The following TRIB2 variants were observed in gnomAD, a reference collection of about 807,000 sequenced individuals.
TRIB2 encodes the protein tribbles pseudokinase 2.
TRIB2 carries 2 observed loss-of-function variants against 26.8 expected under a neutral mutation model. The ratio of observed to expected loss-of-function variants is 0.07; its 90% CI spans 0.03 to 0.24. TRIB2 has a LOEUF of 0.24. Among genes scored for constraint, TRIB2 ranks in the 10% least tolerant of loss-of-function variants. The probability of loss-of-function intolerance (pLI) is 1.00; values close to 1 mark genes in which losing one functional copy is unlikely to be tolerated. For missense variants in TRIB2, 306 were observed against 449.0 expected, an observed-to-expected ratio of 0.68 and a Z score of 2.88; for synonymous variants, 189 against 187.3, an observed-to-expected ratio of 1.01 and a Z score of -0.08.
Position 12,718,045 on chromosome 2 carries a change from A to G in TRIB2, c.-263A>G. 1.9e-6 allele frequency: 1 copy of G among 517,374 alleles called. No individual in the cohort carries two copies. The highest frequency in any genetic ancestry group is 3.4e-6 in the Non-Finnish European group (1 of 292,444). The allele number at this position is 517,374 out of a possible 1,614,324, so 32.0% of individuals were successfully genotyped here. A position where few individuals can be genotyped will look rare whatever the true frequency, so the allele number is the denominator to read the frequency against. On this transcript the variant is annotated 5_prime_UTR_variant, in exon 1 of 3. Coordinates refer to ENST00000155926, the MANE Select transcript of TRIB2 (RefSeq NM_021643.4). This position sits in a 1 kb window ranked among gnomAD's most constrained non-coding sequence, Gnocchi z 4.0. ...AACTAAAAGTGCGGCGATTCTGCAC[A>G]TCGCCGACTGCTTTGGGGTAACAAA...
intron 2 of TRIB2, among the ~76,000 whole-genome samples, chr2:12,734,530 G>A (rs915275132): frequency 2.0e-5 from 3 of 152,102 alleles, no homozygotes; most frequent in African/African-American, 7.2e-5. Flanking sequence ...CTAGGCTTTT[G>A]GGTTGAGGGT....
At position 12,740,876 on chromosome 2, in the gene TRIB2, C is replaced by A; in HGVS notation, c.*82C>A. The A allele has an allele frequency of 2.3e-6, 3 of 1,304,632 alleles. No homozygotes were observed. The highest frequency in any genetic ancestry group is 2.1e-5 in the Admixed American group (1 of 46,972). 80.8% of individuals were successfully genotyped at this position (1,304,632 alleles called of 1,614,324 possible). On this transcript the variant is annotated 3_prime_UTR_variant, in exon 3 of 3. Coordinates refer to ENST00000155926, the MANE Select transcript of TRIB2 (RefSeq NM_021643.4). The surrounding 1 kb of genome is among the most constrained non-coding windows in gnomAD (Gnocchi z 5.8). Reference sequence around the variant, plus strand: ...GAGTTCTTCCGGGGGACACGAATTGCCTGGCTGAGTAGCAAGAAAGACACA... The same window carrying A: ...GAGTTCTTCCGGGGGACACGAATTGACTGGCTGAGTAGCAAGAAAGACACA...
At chr2:12,730,667 C>A (rs1319757542) in intron 2 of TRIB2, among the ~76,000 whole-genome samples, 3 of 152,150 alleles carry the variant, frequency 2.0e-5, no homozygotes, top group Admixed American at 2.0e-4. Context: ...CTTTTTCTAT[C>A]CTCCATGCCT....
intron 2 of TRIB2, 81 bp downstream of exon 2, chr2:12,723,633 G>C: frequency 2.0e-6 from 3 of 1,502,446 alleles, no homozygotes; most frequent in Non-Finnish European, 2.7e-6. Context: ...TTGAATGGAC[G>C]TTTTTTTGCC....
chr2:12,725,614 C>T (rs1661324436), intron 2 of TRIB2, among the ~76,000 whole-genome samples: 1 of 152,240 alleles, frequency 6.6e-6, no homozygotes, highest in Non-Finnish European at 1.5e-5. Flanking sequence ...GTGTGTGCCT[C>T]TGACATTCCG....
chr2:12,718,669 C>G lies in TRIB2; in HGVS notation c.270+92C>G. On this transcript the variant is annotated intron_variant, in intron 1 of 2. Coordinates refer to ENST00000155926, the MANE Select transcript of TRIB2 (RefSeq NM_021643.4). The surrounding 1 kb of genome is among the most constrained non-coding windows in gnomAD (Gnocchi z 4.0). ...CTCGAGTCTGGGAGAGGGAGATTCG[C>G]GGGATAATTACCGTGGCCTTATTAA... 6.7e-7 allele frequency: 1 copy of G among 1,481,892 alleles called. No individual in the cohort carries two copies. The highest frequency in any genetic ancestry group is 9.1e-7 in the Non-Finnish European group (1 of 1,097,482). 91.8% of individuals were successfully genotyped at this position (1,481,892 alleles called of 1,614,324 possible). A position where few individuals can be genotyped will look rare whatever the true frequency, so the allele number is the denominator to read the frequency against.
chr2:12,731,929 G>A (rs886468478), intron 2 of TRIB2, among the ~76,000 whole-genome samples: 7 of 152,216 alleles, frequency 4.6e-5, no homozygotes, highest in Admixed American at 2.0e-4. Context: ...GAAGCTTTGC[G>A]GAGAGGCCAA....
chr2:12,730,995 G>T (rs929036722), intron 2 of TRIB2, among the ~76,000 whole-genome samples: 16 of 152,176 alleles, frequency 1.1e-4, no homozygotes, highest in African/African-American at 3.4e-4. Flanking sequence ...AGATATGGGG[G>T]TCATTCTATC....
Position 12,718,538 on chromosome 2 carries a change from T to C in TRIB2, c.231T>C (p.Arg77=), listed in dbSNP as rs1196664428. ...CTCTGGAGGGAGACCACGTTTTTCG[T>C]GCCGTGCATCTGCACAGCGGAGAGG... ...LEPLEGDHVF[R]AVHLHSGEEL... Residue 77 remains arginine (R), a synonymous_variant, in exon 1 of 3, where the codon CGT becomes CGC. Transcript: ENST00000155926. The surrounding 1 kb of genome is among the most constrained non-coding windows in gnomAD (Gnocchi z 4.0). 5.6e-6 allele frequency: 9 copies of C among 1,614,190 alleles called. No homozygotes were observed. Among genetic ancestry groups the C allele is most frequent in the Non-Finnish European group, 6.8e-6 (8 of 1,180,014 alleles).
At position 12,722,286 on chromosome 2, in the gene TRIB2, C is replaced by T. The variant is rs900043619; in HGVS notation, c.271-974C>T. On this transcript the variant is annotated intron_variant, in intron 1 of 2. Coordinates refer to ENST00000155926, the MANE Select transcript of TRIB2 (RefSeq NM_021643.4). Reference sequence around the variant, plus strand: ...AGGGCGTTCCTGCCTCAGATGCTTTCCAGCGAAGCTCACCCACGCATGCCC... The same window carrying T: ...AGGGCGTTCCTGCCTCAGATGCTTTTCAGCGAAGCTCACCCACGCATGCCC... 4.6e-5 allele frequency among the ~76,000 whole-genome samples: 7 copies of T among 152,192 alleles called. 1 individual carries two copies. Among genetic ancestry groups the T allele is most frequent in the Non-Finnish European group, 7.3e-5 (5 of 68,046 alleles).
At chr2:12,725,618 C>T (rs149647007) in intron 2 of TRIB2, among the ~76,000 whole-genome samples, 174 of 152,322 alleles carry the variant, frequency 1.1e-3, no homozygotes, top group African/African-American at 3.8e-3. Context: ...GTGCCTCTGA[C>T]ATTCCGTCTG....
intron 1 of TRIB2, among the ~76,000 whole-genome samples, chr2:12,719,025 T>TTGTTCC (rs1666665020): frequency 6.6e-6 from 1 of 152,182 alleles, no homozygotes; most frequent in Non-Finnish European, 1.5e-5. Flanking sequence ...TGTTAAACCT[T>TTGTTCC]TGTTCCGAAG....
At chr2:12,724,296 G>A (rs190987387) in intron 2 of TRIB2, among the ~76,000 whole-genome samples, 14 of 152,358 alleles carry the variant, frequency 9.2e-5, no homozygotes, top group Middle Eastern at 3.4e-3. Context: ...AGCTGGACAG[G>A]ATGCAGGCAA....
Position 12,717,013 on chromosome 2 carries a change from A to C in TRIB2, c.-1295A>C. ...CTCGCTCCGAGATCCCCGGCCACGT[A>C]AGTAACTATTAATACCGCCTCGCCG... On this transcript the variant is annotated 5_prime_UTR_variant, in exon 1 of 3. Coordinates refer to ENST00000155926, the MANE Select transcript of TRIB2 (RefSeq NM_021643.4). The surrounding 1 kb of genome is among the most constrained non-coding windows in gnomAD (Gnocchi z 4.8). 3 of 166,712 alleles carry C rather than the reference A, an allele frequency of 1.8e-5. No individual in the cohort carries two copies. The highest frequency in any genetic ancestry group is 1.7e-4 in the East Asian group (1 of 6,042). 10.3% of individuals were successfully genotyped at this position (166,712 alleles called of 1,614,324 possible). A position where few individuals can be genotyped will look rare whatever the true frequency, so the allele number is the denominator to read the frequency against.
intron 1 of TRIB2, among the ~76,000 whole-genome samples, 175 bp from the exon 2 acceptor site, chr2:12,723,081 TTAAG>T (rs1423703943): frequency 6.6e-6 from 1 of 152,084 alleles, no homozygotes; most frequent in East Asian, 1.9e-4. Flanking sequence ...CTCCGAGAGG[TTAAG>T]TGACTTGTTT....
Position 12,742,358 on chromosome 2 carries a change from T to C in TRIB2, c.*1564T>C, listed in dbSNP as rs1410602990. 1 of 152,648 alleles carries C rather than the reference T, an allele frequency of 6.6e-6. No homozygotes were observed. Among genetic ancestry groups the C allele is most frequent in the Non-Finnish European group, 1.5e-5 (1 of 68,046 alleles). The allele number at this position is 152,648 out of a possible 1,614,324, so 9.5% of individuals were successfully genotyped here. On this transcript the variant is annotated 3_prime_UTR_variant, in exon 3 of 3. Transcript: ENST00000155926. The stretch of plus-strand genomic sequence containing the variant: ...TACTTGAATCTGTGCTTCATAATAG[T>C]GTGTGGCATGTATGTGCAGACTCTT...
rs189830871 is a variant in TRIB2 at position 12,736,445 on chromosome 2, T to C, written c.564-3881T>C. ...TGTAGTCATATCTCCCTCCCACCTT[T>C]ACTGACAGATGCCTGATATCCCCAC... On this transcript the variant is annotated intron_variant, in intron 2 of 2. Transcript: ENST00000155926. Among the ~76,000 whole-genome samples, 5 of 149,088 alleles carry C rather than the reference T, an allele frequency of 3.4e-5. No homozygotes were observed. In the Admixed American group the frequency reaches 3.4e-4, roughly 10 times the overall value.
Position 12,718,627 on chromosome 2 carries a change from C to A in TRIB2, c.270+50C>A. 1 of 1,588,320 alleles carries A rather than the reference C, an allele frequency of 6.3e-7. No individual in the cohort carries two copies. The highest frequency in any genetic ancestry group is 1.1e-5 in the South Asian group (1 of 89,190). On this transcript the variant is annotated intron_variant, in intron 1 of 2. Coordinates refer to ENST00000155926, the MANE Select transcript of TRIB2 (RefSeq NM_021643.4). The surrounding 1 kb of genome is among the most constrained non-coding windows in gnomAD (Gnocchi z 4.0). Reference sequence around the variant, plus strand: ...TGTCTTTGGAAGGGGCCCGAGGGAGCGGGAGGGCGCCAGGCCCTCGAGTCT... The same window carrying A: ...TGTCTTTGGAAGGGGCCCGAGGGAGAGGGAGGGCGCCAGGCCCTCGAGTCT...
intron 1 of TRIB2, among the ~76,000 whole-genome samples, chr2:12,722,627 A>C (rs891284213): frequency 6.6e-6 from 1 of 152,060 alleles, no homozygotes; most frequent in Non-Finnish European, 1.5e-5. Flanking sequence ...AGAGAGGAAG[A>C]AGCAAGGCTG....
Sources: gnomAD v4.1 joint callset for allele counts (sites outside exome capture counted in the v4.1 genomes callset) on GRCh38, gnomAD v4.1.1 for gene constraint, Gnocchi (gnomAD v3.1) non-coding constraint, MANE v1.5 for transcripts, NCBI Gene and HGNC (gene_info 2026-07-23, HGNC 2026-07-21) for gene names.